The following SEC11A variants were observed in gnomAD, a reference collection of about 807,000 sequenced individuals.
The protein encoded by SEC11A is signal peptidase complex catalytic subunit SEC11A.
SEC11A carries 14 observed loss-of-function variants against 25.6 expected under a neutral mutation model. The observed-to-expected ratio is 0.55, with a 90% CI of 0.36 to 0.85. The LOEUF is 0.85. Among genes scored for constraint, SEC11A ranks in the 40% least tolerant of loss-of-function variants. SEC11A has a pLI of 0.01. For missense variants in SEC11A, 153 were observed against 222.9 expected (o/e 0.69, Z 2.00); for synonymous variants, 83 against 76.4 (o/e 1.09, Z -0.45).
At position 84,683,815 on chromosome 15, in the gene SEC11A, G is replaced by T. The variant is rs899451228; in HGVS notation, c.312-2983C>A. ...GCTGGGATAACAGGCCTGAGCCACC[G>T]CACCTGATCTTACTAGACCTATTAA... On this transcript the variant is annotated intron_variant, in intron 3 of 5. Coordinates refer to ENST00000268220, the MANE Select transcript of SEC11A (RefSeq NM_014300.4). 4.8e-4 allele frequency among the ~76,000 whole-genome samples: 57 copies of T among 118,010 alleles called. 1 individual carries two copies. Among genetic ancestry groups the T allele is most frequent in the Admixed American group, 4.7e-3 (57 of 12,088 alleles). 77.4% of individuals were successfully genotyped at this position (118,010 alleles called of 152,430 possible).
At position 84,697,832 on chromosome 15, in the gene SEC11A, T is replaced by C. The variant is rs188975495; in HGVS notation, c.52-6188A>G. ...ATCAAGCTAACTATTAATAAAGACA[T>C]TGCAACATATGTAGAATAATAACCA... On this transcript the variant is annotated intron_variant, in intron 1 of 5. Coordinates refer to ENST00000268220, the MANE Select transcript of SEC11A (RefSeq NM_014300.4). Among the ~76,000 whole-genome samples the C allele has an allele frequency of 1.2e-4, 19 of 152,314 alleles. No individual in the cohort carries two copies. In the East Asian group the frequency reaches 2.7e-3, roughly 22 times the overall value.
At chr15:84,670,564 G>C (rs1896956941) in intron 5 of SEC11A, 161 bp downstream of exon 5, 3 of 409,564 alleles carry the variant, frequency 7.3e-6, no homozygotes, top group Non-Finnish European at 1.3e-5. Context: ...TTTTTTAATA[G>C]AGACGGGGTT....
intron 3 of SEC11A, among the ~76,000 whole-genome samples, chr15:84,682,973 A>G (rs1283736030): frequency 6.6e-6 from 1 of 152,166 alleles, no homozygotes; most frequent in Non-Finnish European, 1.5e-5. Flanking sequence ...TCTAAGCCGG[A>G]AACTGGCTCA....
chr15:84,681,586 C>T (rs775875794), intron 3 of SEC11A, among the ~76,000 whole-genome samples: 1 of 152,062 alleles, frequency 6.6e-6, no homozygotes, highest in Non-Finnish European at 1.5e-5. Flanking sequence ...GCCGAGATCA[C>T]GCCACTGCAC....
intron 1 of SEC11A, among the ~76,000 whole-genome samples, chr15:84,709,890 G>A (rs1482276455): frequency 2.6e-5 from 4 of 152,136 alleles, no homozygotes; most frequent in African/African-American, 7.2e-5. Context: ...TTACAGGCGT[G>A]TGCCACCACA....
intron 2 of SEC11A, among the ~76,000 whole-genome samples, chr15:84,689,216 C>T (rs1897525954): frequency 6.6e-6 from 1 of 151,936 alleles, no homozygotes; most frequent in African/African-American, 2.4e-5. Context: ...ATGGCACACT[C>T]CAGTCTGGGC....
At chr15:84,714,065 A>C (rs2141933735) in intron 1 of SEC11A, among the ~76,000 whole-genome samples, 1 of 118,690 alleles carries the variant, frequency 8.4e-6, no homozygotes, top group South Asian at 2.7e-4. Context: ...CTCTGTCACC[A>C]GGCTGGAGTG....
Position 84,680,695 on chromosome 15 carries a change from G to T in SEC11A, c.431+18C>A. 1 of 1,574,934 alleles carries T rather than the reference G, an allele frequency of 6.3e-7. No homozygotes were observed. The highest frequency in any genetic ancestry group is 1.2e-5 in the South Asian group (1 of 85,304). ...TCAAGTGATATAAAAAGTTTGAGAT[G>T]CTCCCCTCTATACTTACCCCCTGGC... On this transcript the variant is annotated intron_variant, in intron 4 of 5. Transcript: ENST00000268220.
At position 84,670,572 on chromosome 15, in the gene SEC11A, G is replaced by T. The variant is rs890084016; in HGVS notation, c.489+153C>A. 2.2e-5 allele frequency: 10 copies of T among 452,212 alleles called. No individual in the cohort carries two copies. The Admixed American group carries it at 3.9e-4, about 18-fold the overall frequency. The allele number at this position is 452,212 out of a possible 1,614,324, so 28.0% of individuals were successfully genotyped here. ...TTTTTTTTTTTTTAATAGAGACGGG[G>T]TTTCGCTATGTTGCCCAGGCTGGTC... is the stretch of plus-strand genomic sequence containing the variant. On this transcript the variant is annotated intron_variant, in intron 5 of 5. Coordinates refer to ENST00000268220, the MANE Select transcript of SEC11A (RefSeq NM_014300.4).
chr15:84,711,147 C>T (rs1399804756), intron 1 of SEC11A, among the ~76,000 whole-genome samples: 1 of 151,854 alleles, frequency 6.6e-6, no homozygotes, highest in Non-Finnish European at 1.5e-5. Context: ...CTTTGGGAGG[C>T]TGAGGTGGGC....
intron 1 of SEC11A, chr15:84,714,992 G>A (rs1229169895): frequency 4.6e-5 from 7 of 152,148 alleles, no homozygotes; most frequent in Non-Finnish European, 1.0e-4. Context: ...AATTTGAAGT[G>A]TTGTCATAAA....
intron 1 of SEC11A, among the ~76,000 whole-genome samples, chr15:84,703,333 G>A (rs1242538879): frequency 6.6e-6 from 1 of 152,144 alleles, no homozygotes; most frequent in Non-Finnish European, 1.5e-5. Context: ...AAGTGTAAGT[G>A]GTATACAGAA....
rs866382422 is a variant in SEC11A at position 84,711,312 on chromosome 15, G to A, written c.51+4713C>T. 4.6e-5 allele frequency among the ~76,000 whole-genome samples: 7 copies of A among 151,928 alleles called. 1 individual carries two copies. The Middle Eastern group carries it at 0.014, about 295-fold the overall frequency. ...TGGGAGAATCACTTGATCCCGGAAG[G>A]AGGAGGTTGCAGGGAGCCAAGATCC... On this transcript the variant is annotated intron_variant, in intron 1 of 5. Coordinates refer to ENST00000268220, the MANE Select transcript of SEC11A (RefSeq NM_014300.4).
chr15:84,678,760 A>G (rs1259976675), intron 4 of SEC11A, among the ~76,000 whole-genome samples: 2 of 152,134 alleles, frequency 1.3e-5, no homozygotes, highest in Non-Finnish European at 2.9e-5. Context: ...TGAGAGGCCA[A>G]GACAGGTGGA....
rs1245918555 is a variant in SEC11A, at chr15:84,680,678, T to C, written c.431+35A>G. The C allele has an allele frequency of 2.6e-6, 4 of 1,557,610 alleles. No individual in the cohort carries two copies. In the African/African-American group the frequency reaches 4.1e-5, roughly 16 times the overall value. On this transcript the variant is annotated intron_variant, in intron 4 of 5. Transcript: ENST00000268220. ...ATTGAGAGGGCCACACTTCAAGTGATATAAAAAGTTTGAGATGCTCCCCTC... is the reference window on the plus strand; with the variant it reads ...ATTGAGAGGGCCACACTTCAAGTGACATAAAAAGTTTGAGATGCTCCCCTC...
At chr15:84,700,848 C>T (rs1325165301) in intron 1 of SEC11A, among the ~76,000 whole-genome samples, 2 of 151,136 alleles carry the variant, frequency 1.3e-5, no homozygotes, top group East Asian at 1.9e-4. Context: ...GGCGTGGTGG[C>T]GCATGCCTGT....
At chr15:84,693,849 C>G (rs889698645) in intron 1 of SEC11A, among the ~76,000 whole-genome samples, 3 of 152,066 alleles carry the variant, frequency 2.0e-5, no homozygotes, top group Non-Finnish European at 2.9e-5. Context: ...TAGTAGTTAG[C>G]TAGTAGTTGT....
chr15:84,687,330 G>C (rs1372636992), intron 3 of SEC11A, among the ~76,000 whole-genome samples: 1 of 152,148 alleles, frequency 6.6e-6, no homozygotes, highest in African/African-American at 2.4e-5. Flanking sequence ...TTCTATTTAG[G>C]ATCTATCTTT....
intron 4 of SEC11A, among the ~76,000 whole-genome samples, chr15:84,678,763 C>T (rs1897206060): frequency 2.0e-5 from 3 of 152,030 alleles, no homozygotes; most frequent in African/African-American, 4.8e-5. Context: ...GAGGCCAAGA[C>T]AGGTGGATCA....
Sources: gnomAD v4.1 joint callset for allele counts (sites outside exome capture counted in the v4.1 genomes callset) on GRCh38, gnomAD v4.1.1 for gene constraint, MANE v1.5 for transcripts, NCBI Gene and HGNC (gene_info 2026-07-23, HGNC 2026-07-21) for gene names.